ZFYVE28: variants seen among roughly 807,000 people sequenced by gnomAD.
The protein encoded by ZFYVE28 is lateral signaling target protein 2 homolog.
ZFYVE28 carries 40 observed loss-of-function variants against 82.1 expected under a neutral mutation model. The ratio of observed to expected loss-of-function variants is 0.49; its 90% CI spans 0.38 to 0.63. The LOEUF is 0.63. Among genes scored for constraint, ZFYVE28 ranks in the 30% least tolerant of loss-of-function variants. ZFYVE28 has a pLI of 0.00. For synonymous variants in ZFYVE28, 612 were observed against 546.1 expected (o/e 1.12, Z -1.68); for missense variants, 1,321 against 1,242.1 (o/e 1.06, Z -0.96).
At chr4:2,381,958 C>T (rs1356376425) in intron 1 of ZFYVE28, among the ~76,000 whole-genome samples, 1 of 152,230 alleles carries the variant, frequency 6.6e-6, no homozygotes. Flanking sequence ...GCCCTGTGTC[C>T]CAGCTGCTCC....
chr4:2,394,064 G>A lies in ZFYVE28; in HGVS notation c.39+24221C>T, dbSNP rs57613685. On this transcript the variant is annotated intron_variant, in intron 1 of 12. Transcript: ENST00000290974. This position sits in a 1 kb window ranked among gnomAD's most constrained non-coding sequence, Gnocchi z 4.0. ...ACTTCCCGACGCACGGCCGCCTCCC[G>A]GACCTTCAGAGCCAGCGGCATTGCA... Among the ~76,000 whole-genome samples, 4,948 of 152,108 alleles carry A rather than the reference G, an allele frequency of 0.033. 269 individuals carry two copies. The highest frequency in any genetic ancestry group is 0.11 in the African/African-American group (4,539 of 41,442).
rs770584386 is a variant in ZFYVE28, at chr4:2,304,427, G to C, written c.1913C>G (p.Thr638Ser). 2 of 1,613,658 alleles carry C rather than the reference G, an allele frequency of 1.2e-6. No homozygotes were observed. Among genetic ancestry groups the C allele is most frequent in the South Asian group, 2.2e-5 (2 of 91,090 alleles). ...APTSDKCLPH[T>S]SGSQVDTASG... is the part of the protein sequence containing the mutation. ...CGCTGTGTCCACCTGGGAACCTGAG[G>C]TGTGAGGCAGGCACTTGTCGGAAGT... The change falls in exon 8 of 13, where the codon ACC becomes AGC. Residue 638 changes from threonine (T) to serine (S), a missense_variant. Thr to Ser is a moderately conservative substitution (Grantham distance 58, BLOSUM62 1). This residue lies in a region of ZFYVE28 where 978 missense variants were observed against 833.7 expected (regional missense o/e 1.17). Coordinates refer to ENST00000290974, the MANE Select transcript of ZFYVE28 (RefSeq NM_020972.3).
intron 1 of ZFYVE28, among the ~76,000 whole-genome samples, chr4:2,398,170 C>T (rs1182569023): frequency 3.9e-5 from 6 of 152,170 alleles, no homozygotes; most frequent in Admixed American, 2.0e-4. Context: ...GAGCTGGTGC[C>T]AGTGGATGGC....
At position 2,341,332 on chromosome 4, in the gene ZFYVE28, C is replaced by A; in HGVS notation, c.318+146G>T. On this transcript the variant is annotated intron_variant, in intron 3 of 12. Coordinates refer to ENST00000290974, the MANE Select transcript of ZFYVE28 (RefSeq NM_020972.3). This position sits in a 1 kb window ranked among gnomAD's most constrained non-coding sequence, Gnocchi z 4.5. ...GGGTGCACGGCCTACCAGGCTCAGA[C>A]CACACCACGTAACCCAGAGTGGACG... 1 of 1,168,356 alleles carries A rather than the reference C, an allele frequency of 8.6e-7. No individual in the cohort carries two copies. 72.4% of individuals were successfully genotyped at this position (1,168,356 alleles called of 1,614,324 possible).
intron 1 of ZFYVE28, among the ~76,000 whole-genome samples, chr4:2,398,006 AGG>A (rs1346097063): frequency 2.8e-4 from 1 of 3,556 alleles, no homozygotes; most frequent in African/African-American, 1.2e-3. Flanking sequence ...AGGAGAATGG[AGG>A]GGGCGGGGTG....
At chr4:2,384,689 G>A (rs951603526) in intron 1 of ZFYVE28, among the ~76,000 whole-genome samples, 4 of 152,152 alleles carry the variant, frequency 2.6e-5, no homozygotes, top group African/African-American at 9.7e-5. Context: ...ATCATAGGGG[G>A]AGCATGGAAA....
At chr4:2,329,236 C>A in intron 6 of ZFYVE28, 1 of 524,420 alleles carries the variant, frequency 1.9e-6, no homozygotes, top group Non-Finnish European at 3.5e-6. Context: ...TATATTAAGT[C>A]TTCCCATCCA....
chr4:2,380,385 C>G (rs1282731315), intron 1 of ZFYVE28, among the ~76,000 whole-genome samples: 3 of 152,242 alleles, frequency 2.0e-5, no homozygotes, highest in Non-Finnish European at 4.4e-5. Context: ...CTTCCTGCCA[C>G]TCCAAGAACA....
At chr4:2,390,498 G>A (rs116309316) in intron 1 of ZFYVE28, among the ~76,000 whole-genome samples, 2,455 of 152,292 alleles carry the variant, frequency 0.016, 23 homozygotes, top group South Asian at 0.038. Context: ...CATGTCGGGG[G>A]CTCAGGAATT....
chr4:2,310,975 T>C (rs544914629), intron 7 of ZFYVE28, among the ~76,000 whole-genome samples: 8 of 152,342 alleles, frequency 5.3e-5, no homozygotes, highest in African/African-American at 1.9e-4. Flanking sequence ...ACTTCTTTAA[T>C]AGATATTGGA....
At chr4:2,296,382 G>A (rs1047751483) in intron 8 of ZFYVE28, among the ~76,000 whole-genome samples, 1 of 152,204 alleles carries the variant, frequency 6.6e-6, no homozygotes, top group African/African-American at 2.4e-5. Flanking sequence ...GCCTGTGCAC[G>A]GCGGACCAGC....
chr4:2,317,140 C>T (rs1181042578), intron 7 of ZFYVE28, among the ~76,000 whole-genome samples: 1 of 151,936 alleles, frequency 6.6e-6, no homozygotes, highest in African/African-American at 2.4e-5. Flanking sequence ...AGGAATGCAC[C>T]ACCATGTCTG....
intron 8 of ZFYVE28, among the ~76,000 whole-genome samples, chr4:2,296,253 C>T (rs991627158): frequency 1.3e-5 from 2 of 152,200 alleles, no homozygotes; most frequent in African/African-American, 4.8e-5. Flanking sequence ...CCACTCAGGG[C>T]CTTGCAGGGC....
chr4:2,329,095 T>C (rs1407592935), intron 6 of ZFYVE28: 2 of 699,504 alleles, frequency 2.9e-6, no homozygotes, highest in Non-Finnish European at 5.2e-6. Flanking sequence ...TTTGGCTATT[T>C]AGGGCCCATT....
chr4:2,380,875 A>G (rs935646107), intron 1 of ZFYVE28, among the ~76,000 whole-genome samples: 3 of 152,124 alleles, frequency 2.0e-5, no homozygotes, highest in Non-Finnish European at 4.4e-5. Flanking sequence ...CCTCTTTTTC[A>G]TCCCAGTCTC....
rs1007125840 is a variant in ZFYVE28 at position 2,394,309 on chromosome 4, C to T, written c.39+23976G>A. 2.0e-5 allele frequency among the ~76,000 whole-genome samples: 3 copies of T among 152,180 alleles called. No homozygotes were observed. Among genetic ancestry groups the T allele is most frequent in the African/African-American group, 7.2e-5 (3 of 41,430 alleles). ...TGGGTTCCAGGGATTCACACATGGA[C>T]ACCTTTGGGGGCCATCATTCTGCCT... On this transcript the variant is annotated intron_variant, in intron 1 of 12. Coordinates refer to ENST00000290974, the MANE Select transcript of ZFYVE28 (RefSeq NM_020972.3). This position sits in a 1 kb window ranked among gnomAD's most constrained non-coding sequence, Gnocchi z 4.0.
intron 6 of ZFYVE28, chr4:2,324,597 C>T (rs1395296576): frequency 5.6e-6 from 1 of 177,810 alleles, no homozygotes; most frequent in Admixed American, 5.4e-5. Flanking sequence ...CAGCCACTGT[C>T]CTCATGTCAG....
chr4:2,353,385 T>C (rs1044623997), intron 2 of ZFYVE28, among the ~76,000 whole-genome samples: 2 of 152,186 alleles, frequency 1.3e-5, no homozygotes, highest in Non-Finnish European at 2.9e-5. Flanking sequence ...CCAAGAACAT[T>C]CCGGAACTTT....
chr4:2,275,431 G>A (rs555820559), intron 8 of ZFYVE28, among the ~76,000 whole-genome samples: 1 of 152,124 alleles, frequency 6.6e-6, no homozygotes, highest in Non-Finnish European at 1.5e-5. Context: ...TACTCTTGAC[G>A]TTTAAATTTC....
Sources: gnomAD v4.1 joint callset for allele counts (sites outside exome capture counted in the v4.1 genomes callset) on GRCh38, gnomAD v4.1.1 for gene constraint, gnomAD v4.1.1 regional missense constraint, Gnocchi (gnomAD v3.1) non-coding constraint, MANE v1.5 for transcripts, NCBI Gene and HGNC (gene_info 2026-07-23, HGNC 2026-07-21) for gene names.